CADPS: variants seen among roughly 807,000 people sequenced by gnomAD.
The protein encoded by CADPS is calcium-dependent secretion activator 1.
Under a neutral mutation model 167.3 loss-of-function variants are expected in CADPS, and 57 were observed. The ratio of observed to expected loss-of-function variants is 0.34; its 90% CI spans 0.28 to 0.42. The LOEUF (loss-of-function observed/expected upper bound fraction) is 0.42. Ranked by LOEUF, CADPS falls within the 20% of genes least tolerant of loss-of-function variation. The pLI is 1.00. For missense variants in CADPS, 1,414 were observed against 1,738.1 expected (o/e 0.81, Z 3.32); for synonymous variants, 676 against 635.3 (o/e 1.06, Z -0.96).
intron 17 of CADPS, among the ~76,000 whole-genome samples, chr3:62,509,332 AG>A (rs781253798): frequency 2.6e-5 from 4 of 151,472 alleles, no homozygotes; most frequent in Non-Finnish European, 4.4e-5. Context: ...AAGAAATAAA[AG>A]AGAACCACTT....
At chr3:62,610,082 C>G (rs2061287771) in intron 6 of CADPS, among the ~76,000 whole-genome samples, 1 of 151,664 alleles carries the variant, frequency 6.6e-6, no homozygotes, top group Non-Finnish European at 1.5e-5. Context: ...GAGTGAGACC[C>G]TTTCTGGAAA....
At chr3:62,844,458 A>C (rs2077087131) in intron 1 of CADPS, among the ~76,000 whole-genome samples, 1 of 152,152 alleles carries the variant, frequency 6.6e-6, no homozygotes, top group Non-Finnish European at 1.5e-5. Flanking sequence ...TCACATGTAC[A>C]TTCTGCTGTT....
At chr3:62,846,508 C>A (rs1426288225) in intron 1 of CADPS, among the ~76,000 whole-genome samples, 1 of 152,102 alleles carries the variant, frequency 6.6e-6, no homozygotes, top group South Asian at 2.1e-4. Context: ...GAAACTTCTC[C>A]TTATCTGGTT....
intron 4 of CADPS, among the ~76,000 whole-genome samples, chr3:62,658,251 T>C (rs1330847260): frequency 6.6e-6 from 1 of 152,190 alleles, no homozygotes; most frequent in Non-Finnish European, 1.5e-5. Flanking sequence ...CCAAAGATTG[T>C]TCATCACGGG....
At chr3:62,821,859 G>A (rs531241114) in intron 1 of CADPS, among the ~76,000 whole-genome samples, 1 of 152,146 alleles carries the variant, frequency 6.6e-6, no homozygotes, top group Non-Finnish European at 1.5e-5. Flanking sequence ...GGACTCTTAT[G>A]TGGAAGCTGT....
chr3:62,602,306 T>C lies in CADPS; in HGVS notation c.1326-9558A>G, dbSNP rs1198748217. Among the ~76,000 whole-genome samples the C allele has an allele frequency of 6.6e-6, 1 of 152,020 alleles. No individual in the cohort carries two copies. Among genetic ancestry groups the C allele is most frequent in the East Asian group, 1.9e-4 (1 of 5,180 alleles). On this transcript the variant is annotated intron_variant, in intron 6 of 29. Transcript: ENST00000383710. The surrounding 1 kb of genome is among the most constrained non-coding windows in gnomAD (Gnocchi z 4.4). Reference sequence around the variant, plus strand: ...ATGTCATTAGTTGCCATGGTGATGCTCAGCATAAGGCCATAATTCATGTCT... The same window carrying C: ...ATGTCATTAGTTGCCATGGTGATGCCCAGCATAAGGCCATAATTCATGTCT...
chr3:62,493,189 C>G (rs1274905039), intron 19 of CADPS, among the ~76,000 whole-genome samples: 1 of 152,108 alleles, frequency 6.6e-6, no homozygotes, highest in Non-Finnish European at 1.5e-5. Context: ...TGCACATGGG[C>G]CCTTGGAAAT....
chr3:62,488,933 A>G (rs1233414415), intron 21 of CADPS, among the ~76,000 whole-genome samples: 1 of 152,200 alleles, frequency 6.6e-6, no homozygotes, highest in Non-Finnish European at 1.5e-5. Context: ...TATCTGCATA[A>G]TTCTCAGGTT....
chr3:62,788,438 C>G (rs765815664), intron 1 of CADPS, among the ~76,000 whole-genome samples: 1 of 152,172 alleles, frequency 6.6e-6, no homozygotes, highest in African/African-American at 2.4e-5. Flanking sequence ...GAAAGCTACA[C>G]ACTTCTCAAT....
At chr3:62,845,018 G>A (rs963995083) in intron 1 of CADPS, among the ~76,000 whole-genome samples, 2 of 152,124 alleles carry the variant, frequency 1.3e-5, no homozygotes, top group Non-Finnish European at 2.9e-5. Flanking sequence ...AAACTGTCAC[G>A]GAAACTCGTC....
At chr3:62,782,557 A>G (rs903797418) in intron 1 of CADPS, among the ~76,000 whole-genome samples, 4 of 152,196 alleles carry the variant, frequency 2.6e-5, no homozygotes, top group Admixed American at 1.3e-4. Context: ...AAGACACCAA[A>G]GGGCAAAATG....
At chr3:62,832,032 C>G (rs2075178347) in intron 1 of CADPS, among the ~76,000 whole-genome samples, 1 of 152,178 alleles carries the variant, frequency 6.6e-6, no homozygotes, top group Non-Finnish European at 1.5e-5. Flanking sequence ...GTATCTGTCT[C>G]TTTCCTTAAG....
At chr3:62,463,505 C>A (rs924057089) in intron 26 of CADPS, among the ~76,000 whole-genome samples, 1 of 152,204 alleles carries the variant, frequency 6.6e-6, no homozygotes, top group African/African-American at 2.4e-5. Context: ...CACTCATGTG[C>A]CCTGAATCCT....
At chr3:62,577,728 C>T (rs1442537951) in intron 8 of CADPS, among the ~76,000 whole-genome samples, 3 of 152,198 alleles carry the variant, frequency 2.0e-5, no homozygotes, top group Non-Finnish European at 4.4e-5. Context: ...ACAAGACAAA[C>T]ACTGTTGTTA....
intron 1 of CADPS, among the ~76,000 whole-genome samples, chr3:62,863,849 G>C (rs1251556244): frequency 6.6e-6 from 1 of 152,164 alleles, no homozygotes; most frequent in Non-Finnish European, 1.5e-5. Flanking sequence ...TCAGTTATAT[G>C]GTAGCGCCAC....
At chr3:62,732,681 A>G (rs2078159259) in intron 3 of CADPS, among the ~76,000 whole-genome samples, 1 of 152,234 alleles carries the variant, frequency 6.6e-6, no homozygotes, top group Admixed American at 6.5e-5. Flanking sequence ...GCAATGGCCT[A>G]AGGAAATAAA....
intron 28 of CADPS, among the ~76,000 whole-genome samples, chr3:62,422,310 A>C (rs1383058214): frequency 2.0e-5 from 3 of 152,186 alleles, no homozygotes; most frequent in African/African-American, 4.8e-5. Flanking sequence ...TGCCAAAACC[A>C]GACATATTTT....
chr3:62,587,105 C>G (rs2084813246), intron 7 of CADPS, among the ~76,000 whole-genome samples: 4 of 152,124 alleles, frequency 2.6e-5, no homozygotes, highest in African/African-American at 9.7e-5. Flanking sequence ...AGAGTGTTTG[C>G]CAGTAGGTCA....
At chr3:62,841,394 T>TCA (rs1203550955) in intron 1 of CADPS, among the ~76,000 whole-genome samples, 2 of 152,182 alleles carry the variant, frequency 1.3e-5, no homozygotes, top group African/African-American at 4.8e-5. Flanking sequence ...GTACTTATTT[T>TCA]GGCACTTGAG....
Sources: allele counts gnomAD v4.1 joint callset (sites outside exome capture counted in the v4.1 genomes callset), GRCh38; gene constraint gnomAD v4.1.1; non-coding constraint Gnocchi (gnomAD v3.1); transcripts MANE v1.5; gene names NCBI Gene and HGNC (gene_info 2026-07-23, HGNC 2026-07-21).